The following ZNF563 variants were observed in gnomAD, a reference collection of about 807,000 sequenced individuals.
ZNF563 encodes zinc finger protein 563.
Under a neutral mutation model 48.5 loss-of-function variants are expected in ZNF563, and 39 were observed. The observed-to-expected ratio is 0.80, with a 90% CI of 0.62 to 1.05. The LOEUF is 1.05. Among genes scored for constraint, ZNF563 ranks in the 50% least tolerant of loss-of-function variants. The pLI is 0.00. For synonymous variants in ZNF563, 168 were observed against 187.9 expected (o/e 0.89, Z 0.87); for missense variants, 538 against 597.0 (o/e 0.90, Z 1.03).
At chr19:12,332,725 G>T (rs1968954101) in intron 1 of ZNF563, among the ~76,000 whole-genome samples, 1 of 152,104 alleles carries the variant, frequency 6.6e-6, no homozygotes, top group Non-Finnish European at 1.5e-5. Flanking sequence ...GCTCCCTGCT[G>T]CCTTGGCACT....
chr19:12,339,114 T>C, the ZNF563 span, among the ~76,000 whole-genome samples: 1 of 151,976 alleles, frequency 6.6e-6, no homozygotes, highest in Non-Finnish European at 1.5e-5. Flanking sequence ...GGACATCTCG[T>C]TGTGATGTTT....
At chr19:12,336,896 C>T (rs895834538), upstream of ZNF563, among the ~76,000 whole-genome samples, 5 of 152,200 alleles carry the variant, frequency 3.3e-5, no homozygotes, top group Non-Finnish European at 5.9e-5. Flanking sequence ...TGTACAAATA[C>T]ATTTTCCTTT....
rs1186020625 is a variant in ZNF563, at chr19:12,317,790, C to T, written c.*804G>A. 6.5e-6 allele frequency: 1 copy of T among 153,432 alleles called. No homozygotes were observed. The highest frequency in any genetic ancestry group is 1.5e-5 in the Non-Finnish European group (1 of 68,054). 9.5% of individuals were successfully genotyped at this position (153,432 alleles called of 1,614,324 possible). A position where few individuals can be genotyped will look rare whatever the true frequency, so the allele number is the denominator to read the frequency against. On this transcript the variant is annotated 3_prime_UTR_variant, in exon 4 of 4. Transcript: ENST00000293725. ...AAGAAACTGAGGCTTAAAATTAAGG[C>T]TTTACTATGTGTTTACATTCATAGG...
At chr19:12,321,969 T>C (rs1236321596) in intron 2 of ZNF563, among the ~76,000 whole-genome samples, 4 of 152,242 alleles carry the variant, frequency 2.6e-5, no homozygotes, top group Non-Finnish European at 5.9e-5. Flanking sequence ...CTTTCTCTAG[T>C]TCACTTTATT....
chr19:12,329,123 A>G (rs1057244035), intron 1 of ZNF563, among the ~76,000 whole-genome samples: 44 of 152,338 alleles, frequency 2.9e-4, no homozygotes, highest in African/African-American at 1.0e-3. Flanking sequence ...TAAATCAAGC[A>G]GAGGAAAATA....
At chr19:12,328,986 T>C (rs1968860494) in intron 1 of ZNF563, among the ~76,000 whole-genome samples, 1 of 152,114 alleles carries the variant, frequency 6.6e-6, no homozygotes, top group Admixed American at 6.5e-5. Flanking sequence ...GCAAAATCTC[T>C]GGAATGCAGA....
Position 12,318,544 on chromosome 19 carries a change from A to G in ZNF563, c.*50T>C, listed in dbSNP as rs1472495940. ...GTTTCTGTCCAGTGTAAGTTTATTC[A>G]TGATATCAAAGGGAACTGGAAATAT... On this transcript the variant is annotated 3_prime_UTR_variant, in exon 4 of 4. Transcript: ENST00000293725. The G allele has an allele frequency of 6.4e-7, 1 of 1,551,406 alleles. No individual in the cohort carries two copies. Among genetic ancestry groups the G allele is most frequent in the African/African-American group, 1.4e-5 (1 of 72,806 alleles).
In ZNF563 at chr19:12,318,491, A is replaced by G; in HGVS notation, c.*103T>C. 4 of 1,273,498 alleles carry G rather than the reference A, an allele frequency of 3.1e-6. No individual in the cohort carries two copies. Among genetic ancestry groups the G allele is most frequent in the Non-Finnish European group, 4.3e-6 (4 of 923,834 alleles). The allele number at this position is 1,273,498 out of a possible 1,614,324, so 78.9% of individuals were successfully genotyped here. A position where few individuals can be genotyped will look rare whatever the true frequency, so the allele number is the denominator to read the frequency against. ...ATTTTGAAAGGAATAAAAATTATGA[A>G]AGGCTTTCCCACATTTACATTTATA... On this transcript the variant is annotated 3_prime_UTR_variant, in exon 4 of 4. Transcript: ENST00000293725.
Position 12,333,468 on chromosome 19 carries a change from C to G in ZNF563, c.3+12G>C. The G allele has an allele frequency of 6.2e-7, 1 of 1,613,452 alleles. No homozygotes were observed. Among genetic ancestry groups the G allele is most frequent in the Non-Finnish European group, 8.5e-7 (1 of 1,179,694 alleles). On this transcript the variant is annotated intron_variant, in intron 1 of 3. Coordinates refer to ENST00000293725, the MANE Select transcript of ZNF563 (RefSeq NM_145276.3). ...TTTCCCACTTTTGGGACGCCTGACCCTGCACACGCACCATTTCCCGGCTTC... is the reference window on the plus strand; with the variant it reads ...TTTCCCACTTTTGGGACGCCTGACCGTGCACACGCACCATTTCCCGGCTTC...
rs373365616 is a variant in ZNF563, at chr19:12,318,009, C to CT, written c.*584dup. 468 of 143,602 alleles carry CT rather than the reference C, an allele frequency of 3.3e-3. No homozygotes were observed. Among genetic ancestry groups the CT allele is most frequent in the South Asian group, 0.011 (49 of 4,588 alleles). 8.9% of individuals were successfully genotyped at this position (143,602 alleles called of 1,614,324 possible). A position where few individuals can be genotyped will look rare whatever the true frequency, so the allele number is the denominator to read the frequency against. ...TCTCCAGAGTGAATCCTTTCATGTA[C>CT]TTTTTTTTTTTTTTTGAGACAGGGT... On this transcript the variant is annotated 3_prime_UTR_variant, in exon 4 of 4. Coordinates refer to ENST00000293725, the MANE Select transcript of ZNF563 (RefSeq NM_145276.3).
intron 1 of ZNF563, among the ~76,000 whole-genome samples, chr19:12,328,745 G>T (rs1021895605): frequency 3.3e-5 from 5 of 150,290 alleles, no homozygotes; most frequent in African/African-American, 1.2e-4. Flanking sequence ...CTTAAGCCTG[G>T]GCAACAAAAG....
chr19:12,335,362 C>A (rs745585573), upstream of ZNF563, among the ~76,000 whole-genome samples: 1 of 152,180 alleles, frequency 6.6e-6, no homozygotes, highest in Non-Finnish European at 1.5e-5. Context: ...ACATACTACT[C>A]TAACTTTCCA....
At chr19:12,326,046 G>A (rs1274720926) in intron 1 of ZNF563, among the ~76,000 whole-genome samples, 1 of 152,006 alleles carries the variant, frequency 6.6e-6, no homozygotes, top group Non-Finnish European at 1.5e-5. Context: ...ACAAAATTAG[G>A]AAAAATAGAG....
At chr19:12,330,120 A>G (rs1039267421) in intron 1 of ZNF563, among the ~76,000 whole-genome samples, 2 of 152,050 alleles carry the variant, frequency 1.3e-5, no homozygotes, top group Admixed American at 6.6e-5. Flanking sequence ...GGGCTTCCCC[A>G]TGTTGGCCAG....
Position 12,318,971 on chromosome 19 carries a change from C to CTAAA in ZNF563, c.1050_1053dup (p.Val352PhefsTer6), listed in dbSNP as rs1242580754. ...GTGTGAATTCGTTCATGATATCGAA[C>CTAAA]TAAACTGGGACGATCAAAGCCTTTC... On this transcript the variant is annotated frameshift_variant, in exon 4 of 4. Coordinates refer to ENST00000293725, the MANE Select transcript of ZNF563 (RefSeq NM_145276.3). LOFTEE classifies it high-confidence loss of function. 1 of 1,613,838 alleles carries CTAAA rather than the reference C, an allele frequency of 6.2e-7. No homozygotes were observed. Among genetic ancestry groups the CTAAA allele is most frequent in the Non-Finnish European group, 8.5e-7 (1 of 1,179,932 alleles).
intron 1 of ZNF563, among the ~76,000 whole-genome samples, chr19:12,332,092 G>A (rs1430809246): frequency 6.6e-6 from 1 of 152,120 alleles, no homozygotes; most frequent in Non-Finnish European, 1.5e-5. Flanking sequence ...TTGAAATACA[G>A]CCTGGGGGAC....
At chr19:12,344,221 T>C in the ZNF563 span, among the ~76,000 whole-genome samples, 2 of 151,972 alleles carry the variant, frequency 1.3e-5, no homozygotes, top group Non-Finnish European at 2.9e-5. Context: ...GGCAAAACCC[T>C]GTCTCTACAA....
intron 2 of ZNF563, among the ~76,000 whole-genome samples, chr19:12,321,684 A>T (rs1199377916): frequency 6.6e-6 from 1 of 152,050 alleles, no homozygotes; most frequent in Admixed American, 6.6e-5. Flanking sequence ...ACCTCAAGTG[A>T]TCTTCCCACC....
chr19:12,342,969 G>A, the ZNF563 span, among the ~76,000 whole-genome samples: 26 of 150,968 alleles, frequency 1.7e-4, no homozygotes, highest in South Asian at 6.3e-4. Flanking sequence ...AGGCCGAGGC[G>A]GGTGGATCAC....
Sources: gnomAD v4.1 joint callset for allele counts (sites outside exome capture counted in the v4.1 genomes callset) on GRCh38, gnomAD v4.1.1 for gene constraint, MANE v1.5 for transcripts, NCBI Gene and HGNC (gene_info 2026-07-23, HGNC 2026-07-21) for gene names.